FAM153A: variants seen among roughly 807,000 people sequenced by gnomAD.
The protein encoded by FAM153A is family with sequence similarity 153 member A, also known as protein FAM153A.
A neutral mutation model predicts 48.1 loss-of-function variants in FAM153A; 12 were observed. That is an observed-to-expected ratio of 0.25 (90% confidence interval 0.16 to 0.40). The LOEUF (loss-of-function observed/expected upper bound fraction) is 0.40, where lower values mean the gene tolerates loss of function less well. Ranked by LOEUF, FAM153A falls within the 10% of genes least tolerant of loss-of-function variation. FAM153A has a pLI of 1.00. For synonymous variants in FAM153A, 36 were observed against 118.2 expected (o/e 0.30, Z 4.51); for missense variants, 111 against 345.8 (o/e 0.32, Z 5.38).
At chr5:177,752,746 G>C (rs868270066) in intron 1 of FAM153A, among the ~76,000 whole-genome samples, 2 of 113,676 alleles carry the variant, frequency 1.8e-5, no homozygotes, top group Admixed American at 1.7e-4. Context: ...TTGCCAACAT[G>C]GTAAAACCCT....
the FAM153A span, among the ~76,000 whole-genome samples, chr5:177,695,565 T>C: frequency 2.0e-5 from 3 of 152,288 alleles, no homozygotes; most frequent in African/African-American, 7.2e-5. Flanking sequence ...TCAGAGAGCA[T>C]GGGGTTCAGG....
chr5:177,759,752 G>A lies in FAM153A; in HGVS notation c.-56-11053C>T, dbSNP rs184181732. Among the ~76,000 whole-genome samples the A allele has an allele frequency of 7.0e-3, 1,053 of 151,182 alleles. 10 individuals are homozygous for A. Among genetic ancestry groups the A allele is most frequent in the Middle Eastern group, 0.021 (6 of 292 alleles). Reference sequence around the variant, plus strand: ...TACCACATGTTCTCACTCATAGGTGGTAATTGAACAATGAGAACACATGCA... The same window carrying A: ...TACCACATGTTCTCACTCATAGGTGATAATTGAACAATGAGAACACATGCA... On this transcript the variant is annotated intron_variant, in intron 1 of 8. Coordinates refer to the FAM153A transcript ENST00000393518.
chr5:177,759,200 A>C (rs1196301629), intron 1 of FAM153A, among the ~76,000 whole-genome samples: 5 of 151,950 alleles, frequency 3.3e-5, no homozygotes, highest in African/African-American at 1.2e-4. Context: ...TTATGCAGCC[A>C]ACAGACACAT....
chr5:177,703,560 G>A, downstream of FAM153A, among the ~76,000 whole-genome samples: 1 of 149,930 alleles, frequency 6.7e-6, no homozygotes, highest in Non-Finnish European at 1.5e-5. Flanking sequence ...GAAAGGACCT[G>A]ACATTGGGGA....
chr5:177,753,315 G>A (rs1207557752), upstream of FAM153A: 4 of 933,076 alleles, frequency 4.3e-6, no homozygotes, highest in Admixed American at 1.0e-4. Context: ...CTCAGCAACA[G>A]GTCACAGTAG....
chr5:177,708,702 G>C (rs1490547179), downstream of FAM153A, among the ~76,000 whole-genome samples: 1 of 151,962 alleles, frequency 6.6e-6, no homozygotes, highest in Non-Finnish European at 1.5e-5. Context: ...TTTTTTTAGT[G>C]TCTTGAATGG....
chr5:177,713,257 C>CT (rs201370334), intron 26 of FAM153A: 19,582 of 138,636 alleles, frequency 0.14, 1,740 homozygotes, highest in East Asian at 0.34. Context: ...TCTTTCTTTT[C>CT]TTTTTTTTTT....
the FAM153A span, among the ~76,000 whole-genome samples, chr5:177,699,479 A>G: frequency 1.3e-5 from 2 of 152,004 alleles, no homozygotes; most frequent in Non-Finnish European, 2.9e-5. Context: ...CTAATCAAGC[A>G]TAGAGGAGAA....
chr5:177,715,751 T>C, intron 25 of FAM153A, among the ~76,000 whole-genome samples: 1 of 151,864 alleles, frequency 6.6e-6, no homozygotes, highest in Non-Finnish European at 1.5e-5. Context: ...TCATCCAGCC[T>C]GGAGTGCAGT....
At chr5:177,708,939 A>G (rs1177957345), downstream of FAM153A, among the ~76,000 whole-genome samples, 1 of 150,740 alleles carries the variant, frequency 6.6e-6, no homozygotes, top group African/African-American at 2.5e-5. Context: ...CTAAAAACAC[A>G]AAAAAATTAG....
intron 1 of FAM153A, among the ~76,000 whole-genome samples, chr5:177,764,936 CTGCTCCCAGTTAAGACAGCTT>C (rs2127714932): frequency 7.2e-6 from 1 of 138,922 alleles, no homozygotes; most frequent in East Asian, 2.4e-4. Flanking sequence ...AAAGCATGGG[CTGCTCCCAGTTAAGACAGCTT>C]TGCATACCCG....
the FAM153A span, among the ~76,000 whole-genome samples, chr5:177,698,378 C>T: frequency 5.3e-4 from 81 of 152,038 alleles, 2 homozygotes; most frequent in African/African-American, 1.8e-3. Context: ...TCTTGTTCTG[C>T]ATAATGGCAG....
upstream of FAM153A, among the ~76,000 whole-genome samples, chr5:177,755,553 A>T (rs1331705567): frequency 6.6e-6 from 1 of 151,808 alleles, no homozygotes; most frequent in Non-Finnish European, 1.5e-5. Flanking sequence ...CAAAGCTGAA[A>T]TGAAGGAAAA....
intron 13 of FAM153A, 92 bp downstream of exon 15, chr5:177,734,771 A>G (rs1764423104): frequency 1.2e-6 from 2 of 1,609,996 alleles, no homozygotes; most frequent in African/African-American, 1.4e-5. Flanking sequence ...ACTAAGATAT[A>G]TATCTTCAGA....
At chr5:177,708,654 CTT>C (rs1458537579), downstream of FAM153A, among the ~76,000 whole-genome samples, 5 of 151,972 alleles carry the variant, frequency 3.3e-5, no homozygotes, top group Non-Finnish European at 5.9e-5. Flanking sequence ...CAGTTGGTGT[CTT>C]TTCATTTTAT....
At chr5:177,701,290 A>G in the FAM153A span, among the ~76,000 whole-genome samples, 1 of 151,778 alleles carries the variant, frequency 6.6e-6, no homozygotes, top group African/African-American at 2.4e-5. Context: ...TATGCCAGGC[A>G]TGGTGGCTCA....
rs1446411255 is a variant in FAM153A at position 177,734,653 on chromosome 5, C to T, written c.735+210G>A. Among the ~76,000 whole-genome samples the T allele has an allele frequency of 4.8e-5, 7 of 145,502 alleles. 1 individual carries two copies. Among genetic ancestry groups the T allele is most frequent in the African/African-American group, 1.7e-4 (6 of 36,342 alleles). ...CAAAGAGAACAAAATTGGTAAGGCT[C>T]ACTGTTACACAACAGGTGACTGATG... On this transcript the variant is annotated intron_variant, in intron 13 of 20. Transcript: ENST00000614127.
downstream of FAM153A, among the ~76,000 whole-genome samples, chr5:177,705,729 GGCTCACTGCAACCTCT>G (rs1382675237): frequency 7.2e-6 from 1 of 138,290 alleles, no homozygotes; most frequent in Admixed American, 7.8e-5. Flanking sequence ...ACATGATCTC[GGCTCACTGCAACCTCT>G]GCTTCCTGGG....
intron 4 of FAM153A, among the ~76,000 whole-genome samples, chr5:177,746,443 G>C (rs1381448974): frequency 6.7e-6 from 1 of 148,652 alleles, no homozygotes; most frequent in East Asian, 2.0e-4. Context: ...ACAGGCATGA[G>C]CCACCGTCTC....
Sources: allele counts gnomAD v4.1 joint callset (sites outside exome capture counted in the v4.1 genomes callset), GRCh38; gene constraint gnomAD v4.1.1; transcripts MANE v1.5; gene names NCBI Gene and HGNC (gene_info 2026-07-23, HGNC 2026-07-21).